The following PCDH15 variants were observed in gnomAD, a reference collection of about 807,000 sequenced individuals.
PCDH15 encodes protocadherin-15.
PCDH15 carries 129 observed loss-of-function variants against 178.5 expected under a neutral mutation model. The observed-to-expected ratio is 0.72, with a 90% confidence interval of 0.63 to 0.84. The LOEUF (loss-of-function observed/expected upper bound fraction) is 0.84. Ranked by LOEUF, PCDH15 falls within the 40% of genes least tolerant of loss-of-function variation. PCDH15 has a pLI of 0.00. For missense variants in PCDH15, 2,230 were observed against 2,099.9 expected (o/e 1.06, Z -1.21); for synonymous variants, 800 against 732.0 (o/e 1.09, Z -1.50).
At chr10:54,760,810 C>T (rs1292882493) in intron 1 of PCDH15, among the ~76,000 whole-genome samples, 1 of 152,062 alleles carries the variant, frequency 6.6e-6, no homozygotes, top group South Asian at 2.1e-4. Flanking sequence ...TTATCTTTCC[C>T]AGACATAATG....
chr10:54,537,972 T>C (rs1281390555), intron 2 of PCDH15, among the ~76,000 whole-genome samples: 2 of 152,192 alleles, frequency 1.3e-5, no homozygotes, highest in African/African-American at 4.8e-5. Flanking sequence ...ATTTGGTTTA[T>C]GTTTGTTAAA....
At chr10:53,899,244 T>C (rs2082167061) in intron 26 of PCDH15, among the ~76,000 whole-genome samples, 2 of 151,954 alleles carry the variant, frequency 1.3e-5, no homozygotes, top group African/African-American at 2.4e-5. Flanking sequence ...GAACACAGTA[T>C]ATATTTTCTT....
At chr10:55,047,405 A>T (rs1372580987) in intron 2 of PCDH15, among the ~76,000 whole-genome samples, 3 of 80 alleles carry the variant, frequency 0.037, no homozygotes, top group Admixed American at 0.25. Context: ...AAATGTAAAG[A>T]CTTCAATCTC....
intron 18 of PCDH15, among the ~76,000 whole-genome samples, chr10:54,042,558 A>C (rs1392940443): frequency 1.3e-5 from 2 of 151,994 alleles, no homozygotes; most frequent in Non-Finnish European, 2.9e-5. Context: ...AGGTAACAAC[A>C]AGTACAAAAT....
At chr10:54,183,690 C>A (rs2048225513) in intron 12 of PCDH15, 97 bp from the exon 13 acceptor site, 1 of 1,437,066 alleles carries the variant, frequency 7.0e-7, no homozygotes, top group East Asian at 2.3e-5. Flanking sequence ...TACAGGTAAT[C>A]TTACAATTTG....
intron 8 of PCDH15, among the ~76,000 whole-genome samples, chr10:54,260,758 C>T (rs948125004): frequency 5.3e-5 from 8 of 152,074 alleles, no homozygotes; most frequent in Admixed American, 2.6e-4. Context: ...AGTAGTACTA[C>T]GACTACTACT....
chr10:54,744,654 G>T (rs1945234459), intron 1 of PCDH15, among the ~76,000 whole-genome samples: 1 of 152,082 alleles, frequency 6.6e-6, no homozygotes, highest in Non-Finnish European at 1.5e-5. Flanking sequence ...ATGTATGGGA[G>T]GTGGTGAAAA....
chr10:54,053,290 G>C (rs950064266), intron 18 of PCDH15, among the ~76,000 whole-genome samples: 3 of 152,014 alleles, frequency 2.0e-5, no homozygotes, highest in African/African-American at 7.3e-5. Flanking sequence ...TTTACATTTA[G>C]GAATCTTCAT....
chr10:55,415,244 C>T (rs1020394493), intron 2 of PCDH15, among the ~76,000 whole-genome samples: 15 of 151,512 alleles, frequency 9.9e-5, no homozygotes, highest in Admixed American at 8.6e-4. Context: ...ACCTTGTATT[C>T]CAGAGATGAA....
At chr10:54,786,977 G>C (rs1467845532) in intron 1 of PCDH15, among the ~76,000 whole-genome samples, 2 of 151,502 alleles carry the variant, frequency 1.3e-5, no homozygotes, top group African/African-American at 4.8e-5. Context: ...AATATCTCTA[G>C]ATTTGTTTGT....
chr10:54,878,441 G>A (rs1398202311), intron 3 of PCDH15, among the ~76,000 whole-genome samples: 3 of 152,258 alleles, frequency 2.0e-5, no homozygotes, highest in Admixed American at 6.5e-5. Context: ...GTGTATACGA[G>A]TTAATCAGCC....
At chr10:54,467,601 G>GTTTTTTTTTTTTTTTTTTTTTTTTTTT (rs67776985) in intron 3 of PCDH15, among the ~76,000 whole-genome samples, 6 of 45,694 alleles carry the variant, frequency 1.3e-4, no homozygotes, top group African/African-American at 2.7e-4. Flanking sequence ...TCAAGCTGTA[G>GTTTTTTTTTTTTTTTTTTTTTTTTTTT]TTTTTTTTTT....
chr10:54,242,670 A>G (rs1319884985), intron 8 of PCDH15, among the ~76,000 whole-genome samples: 1 of 152,146 alleles, frequency 6.6e-6, no homozygotes, highest in African/African-American at 2.4e-5. Context: ...CTTGGTTGAG[A>G]TAGACATAAT....
intron 8 of PCDH15, among the ~76,000 whole-genome samples, chr10:54,298,753 TC>T (rs764186808): frequency 1.3e-5 from 2 of 152,140 alleles, no homozygotes; most frequent in African/African-American, 2.4e-5. Context: ...GAAATTGACT[TC>T]CTCCTGGACA....
At chr10:54,976,517 A>G (rs1488002103) in intron 2 of PCDH15, among the ~76,000 whole-genome samples, 1 of 152,124 alleles carries the variant, frequency 6.6e-6, no homozygotes, top group East Asian at 1.9e-4. Flanking sequence ...GGGTGTGGAA[A>G]ACAGTCCTCA....
At chr10:53,975,721 GTC>G (rs1160242290) in intron 21 of PCDH15, among the ~76,000 whole-genome samples, 2 of 150,706 alleles carry the variant, frequency 1.3e-5, no homozygotes, top group Non-Finnish European at 2.9e-5. Flanking sequence ...TCTATAGGTT[GTC>G]TGTTTACTTT....
At chr10:54,973,852 T>A (rs1374642369) in intron 2 of PCDH15, among the ~76,000 whole-genome samples, 1 of 151,936 alleles carries the variant, frequency 6.6e-6, no homozygotes, top group Non-Finnish European at 1.5e-5. Context: ...TATGTATTTG[T>A]AAGAGCAAAA....
intron 35 of PCDH15, among the ~76,000 whole-genome samples, chr10:53,812,038 T>C (rs1184484734): frequency 6.6e-6 from 1 of 152,176 alleles, no homozygotes; most frequent in East Asian, 1.9e-4. Flanking sequence ...CTACAGCATT[T>C]TTTTTCATCT....
intron 3 of PCDH15, among the ~76,000 whole-genome samples, chr10:54,470,656 C>A (rs1055910215): frequency 6.6e-6 from 1 of 152,132 alleles, no homozygotes; most frequent in African/African-American, 2.4e-5. Flanking sequence ...CAGGAATCTG[C>A]TGTGGAAATG....
Sources: allele counts gnomAD v4.1 joint callset (sites outside exome capture counted in the v4.1 genomes callset), GRCh38; gene constraint gnomAD v4.1.1; transcripts MANE v1.5; gene names NCBI Gene and HGNC (gene_info 2026-07-23, HGNC 2026-07-21).